Variants in CEPT1 observed in about 807,000 individuals in gnomAD.
CEPT1 encodes choline/ethanolamine phosphotransferase 1, also known as choline/ethanolaminephosphotransferase 1.
CEPT1 carries 7 observed loss-of-function variants against 42.6 expected under a neutral mutation model. That is an observed-to-expected ratio of 0.16 (90% CI 0.09 to 0.31). The LOEUF (loss-of-function observed/expected upper bound fraction) is 0.31. Among genes scored for constraint, CEPT1 ranks in the 10% least tolerant of loss-of-function variants. CEPT1 has a pLI of 1.00. For synonymous variants in CEPT1, 171 were observed against 171.9 expected, an observed-to-expected ratio of 0.99 and a Z score of 0.04; for missense variants, 306 against 502.1, an observed-to-expected ratio of 0.61 and a Z score of 3.73.
At chr1:111,178,452 T>G (rs1018202570) in intron 5 of CEPT1, 2 of 149,488 alleles carry the variant, frequency 1.3e-5, no homozygotes, top group Non-Finnish European at 1.5e-5. Flanking sequence ...TTGTTGTTGT[T>G]GTGGTTTTCC....
intron 1 of CEPT1, among the ~76,000 whole-genome samples, chr1:111,140,947 C>T (rs1484957367): frequency 6.6e-6 from 1 of 152,258 alleles, no homozygotes; most frequent in Non-Finnish European, 1.5e-5. Context: ...CCCAGAAACA[C>T]TGCATGAACG....
At chr1:111,159,221 T>C (rs1655745903) in intron 2 of CEPT1, among the ~76,000 whole-genome samples, 159 bp from the exon 3 acceptor site, 1 of 152,240 alleles carries the variant, frequency 6.6e-6, no homozygotes, top group Non-Finnish European at 1.5e-5. Context: ...GGCATTCTTT[T>C]ACAATTCTAA....
Position 111,161,385 on chromosome 1 carries a change from A to C in CEPT1, c.629+89A>C, listed in dbSNP as rs539676295. On this transcript the variant is annotated intron_variant, in intron 4 of 8. Coordinates refer to ENST00000357172, the MANE Select transcript of CEPT1 (RefSeq NM_006090.5). ...GTATTTGAGTATTAGAAATTGATCA[A>C]ATCACTAAGTTAGTTTAATAAATTA... 1.7e-5 allele frequency: 22 copies of C among 1,266,668 alleles called. No individual in the cohort carries two copies. The South Asian group carries it at 3.2e-4, about 18-fold the overall frequency. 78.5% of individuals were successfully genotyped at this position (1,266,668 alleles called of 1,614,324 possible). A position where few individuals can be genotyped will look rare whatever the true frequency, so the allele number is the denominator to read the frequency against.
chr1:111,168,019 G>A (rs1333165182), intron 4 of CEPT1: 1 of 160,826 alleles, frequency 6.2e-6, no homozygotes, highest in Admixed American at 6.6e-5. Context: ...TCACCTTTCT[G>A]CACTGTCACA....
intron 4 of CEPT1, chr1:111,167,062 T>C: frequency 1.0e-6 from 1 of 960,880 alleles, no homozygotes; most frequent in Non-Finnish European, 1.2e-6. Context: ...TTAGCAAAAG[T>C]TCTGAGTAAA....
At chr1:111,172,376 AAAT>A (rs1168666904) in intron 4 of CEPT1, among the ~76,000 whole-genome samples, 4 of 152,168 alleles carry the variant, frequency 2.6e-5, no homozygotes, top group Non-Finnish European at 5.9e-5. Flanking sequence ...TCCATTTTTA[AAAT>A]AATAATAACA....
intron 8 of CEPT1, 76 bp from the exon 9 acceptor site, chr1:111,184,115 G>A: frequency 6.9e-7 from 1 of 1,446,188 alleles, no homozygotes; most frequent in South Asian, 1.3e-5. Flanking sequence ...AGAGAGAACA[G>A]AGTCCAGTCC....
intron 2 of CEPT1, among the ~76,000 whole-genome samples, chr1:111,156,448 A>G (rs988780330): frequency 6.6e-6 from 1 of 152,154 alleles, no homozygotes; most frequent in Non-Finnish European, 1.5e-5. Context: ...TCTAAGTTCA[A>G]TGTTACTTTG....
chr1:111,180,608 T>G (rs1279792799), intron 5 of CEPT1: 1 of 152,228 alleles, frequency 6.6e-6, no homozygotes, highest in Non-Finnish European at 1.5e-5. Context: ...TTAGAAAATT[T>G]AACACTGCTA....
In CEPT1 at chr1:111,184,400, AT is replaced by A; in HGVS notation, c.*93del. 1.0e-6 allele frequency: 1 copy of A among 955,542 alleles called. No individual in the cohort carries two copies. Among genetic ancestry groups the A allele is most frequent in the Non-Finnish European group, 1.5e-6 (1 of 650,666 alleles). 59.2% of individuals were successfully genotyped at this position (955,542 alleles called of 1,614,324 possible). A position where few individuals can be genotyped will look rare whatever the true frequency, so the allele number is the denominator to read the frequency against. On this transcript the variant is annotated 3_prime_UTR_variant, in exon 9 of 9. Coordinates refer to ENST00000357172, the MANE Select transcript of CEPT1 (RefSeq NM_006090.5). ...ATGGGGGTGGATAAGAACAAATATA[AT>A]TTATAATAATCAATGTTGTATAACT...
At chr1:111,175,796 G>T (rs555006030) in intron 5 of CEPT1, among the ~76,000 whole-genome samples, 25 of 152,060 alleles carry the variant, frequency 1.6e-4, no homozygotes, top group Non-Finnish European at 2.6e-4. Context: ...TCAGATTTGG[G>T]TTGTCATGGT....
At chr1:111,140,694 C>G (rs1405191764) in intron 1 of CEPT1, 2 of 152,514 alleles carry the variant, frequency 1.3e-5, no homozygotes, top group South Asian at 2.1e-4. Context: ...CCTTGCTTGT[C>G]AGGTCCACAC....
chr1:111,152,594 A>G (rs1655340070), intron 2 of CEPT1, among the ~76,000 whole-genome samples: 1 of 152,188 alleles, frequency 6.6e-6, no homozygotes, highest in African/African-American at 2.4e-5. Flanking sequence ...GATTGCATAT[A>G]TATGTAATCA....
At chr1:111,141,502 G>A (rs369996304) in intron 1 of CEPT1, among the ~76,000 whole-genome samples, 1 of 152,128 alleles carries the variant, frequency 6.6e-6, no homozygotes, top group African/African-American at 2.4e-5. Context: ...GCTGGTTAAA[G>A]GTGCTGATGT....
At chr1:111,182,108 A>G (rs1159803002) in intron 5 of CEPT1, 79 bp from the exon 6 acceptor site, 2 of 1,162,190 alleles carry the variant, frequency 1.7e-6, no homozygotes, top group African/African-American at 3.2e-5. Context: ...AGTTTTTGGG[A>G]ATATGAATCA....
At chr1:111,160,939 A>T in intron 3 of CEPT1, 1 of 562,340 alleles carries the variant, frequency 1.8e-6, no homozygotes. Flanking sequence ...CTTTGCTTCC[A>T]CTAAGTGATT....
intron 2 of CEPT1, among the ~76,000 whole-genome samples, chr1:111,155,696 A>G (rs1358867012): frequency 1.3e-5 from 2 of 151,914 alleles, no homozygotes; most frequent in East Asian, 1.9e-4. Flanking sequence ...GCGCCACCAC[A>G]CCCGGCTAAT....
chr1:111,152,354 A>T (rs1305386718), intron 2 of CEPT1, among the ~76,000 whole-genome samples: 1 of 152,188 alleles, frequency 6.6e-6, no homozygotes, highest in Non-Finnish European at 1.5e-5. Flanking sequence ...CAGAGTTAAA[A>T]AAATGCAAAG....
chr1:111,146,753 C>G (rs1401528590), intron 1 of CEPT1, among the ~76,000 whole-genome samples: 1 of 152,012 alleles, frequency 6.6e-6, no homozygotes, highest in Non-Finnish European at 1.5e-5. Flanking sequence ...AGGGATTAAA[C>G]TCAAGGTCCT....
Sources: gnomAD v4.1 joint callset for allele counts (sites outside exome capture counted in the v4.1 genomes callset) on GRCh38, gnomAD v4.1.1 for gene constraint, MANE v1.5 for transcripts, NCBI Gene and HGNC (gene_info 2026-07-23, HGNC 2026-07-21) for gene names.